The following ZEB1 variants were observed in gnomAD, a reference collection of about 807,000 sequenced individuals.
ZEB1 encodes the protein zinc finger E-box-binding homeobox 1.
Under a neutral mutation model 84.9 loss-of-function variants are expected in ZEB1, and 21 were observed. The observed-to-expected ratio is 0.25, with a 90% CI of 0.18 to 0.36. The LOEUF (loss-of-function observed/expected upper bound fraction) is 0.36, where lower values mean the gene tolerates loss of function less well. Among genes scored for constraint, ZEB1 ranks in the 10% least tolerant of loss-of-function variants. ZEB1 has a pLI of 1.00. For synonymous variants in ZEB1, 420 were observed against 471.1 expected (o/e 0.89, Z 1.41); for missense variants, 1,104 against 1,330.2 (o/e 0.83, Z 2.65).
intron 1 of ZEB1, among the ~76,000 whole-genome samples, chr10:31,395,534 T>C (rs2135358057): frequency 6.6e-6 from 1 of 152,274 alleles, no homozygotes; most frequent in South Asian, 2.1e-4. Context: ...AGTAAGACTT[T>C]AATGGACTGA....
intron 1 of ZEB1, among the ~76,000 whole-genome samples, chr10:31,439,889 G>A (rs2136467405): frequency 6.6e-6 from 1 of 152,206 alleles, no homozygotes; most frequent in South Asian, 2.1e-4. Context: ...TGAATAGGAT[G>A]GGAAGTCATT....
intron 1 of ZEB1, among the ~76,000 whole-genome samples, chr10:31,397,814 T>C (rs1223248922): frequency 2.6e-5 from 4 of 152,272 alleles, no homozygotes; most frequent in Non-Finnish European, 5.9e-5. Flanking sequence ...TAACTGGCCC[T>C]TTTTTTAAAT....
In ZEB1 at chr10:31,474,978, G is replaced by A. The variant is rs373474222; in HGVS notation, c.259+13741G>A. ...TCGCAAGAACAAAAAATCAAACACC[G>A]CATATTCTCACTCATAGGTGGGAAT... On this transcript the variant is annotated intron_variant, in intron 2 of 8. Transcript: ENST00000424869. Among the ~76,000 whole-genome samples, 36 of 149,072 alleles carry A rather than the reference G, an allele frequency of 2.4e-4. No individual in the cohort carries two copies. In the East Asian group the frequency reaches 3.4e-3, roughly 14 times the overall value.
chr10:31,411,007 T>C (rs1429627452), intron 1 of ZEB1, among the ~76,000 whole-genome samples: 1 of 152,248 alleles, frequency 6.6e-6, no homozygotes, highest in Non-Finnish European at 1.5e-5. Flanking sequence ...AGTTGTGCTC[T>C]GATCTTAGTT....
intron 2 of ZEB1, among the ~76,000 whole-genome samples, chr10:31,473,691 CAG>C (rs1171062071): frequency 5.4e-5 from 8 of 149,060 alleles, no homozygotes; most frequent in Non-Finnish European, 8.9e-5. Flanking sequence ...ACTTTCTTCA[CAG>C]AATTGGAAAA....
chr10:31,478,196 A>T (rs1357699365), intron 2 of ZEB1, among the ~76,000 whole-genome samples: 1 of 152,102 alleles, frequency 6.6e-6, no homozygotes, highest in Non-Finnish European at 1.5e-5. Context: ...TGGTCAAAGG[A>T]CATGGACAGA....
At chr10:31,478,562 G>A (rs763922899) in intron 2 of ZEB1, among the ~76,000 whole-genome samples, 11 of 151,860 alleles carry the variant, frequency 7.2e-5, no homozygotes, top group South Asian at 2.1e-4. Context: ...TATGTTTATC[G>A]CAGAACTACT....
At chr10:31,344,671 C>A (rs1247917200) in intron 1 of ZEB1, among the ~76,000 whole-genome samples, 3 of 152,054 alleles carry the variant, frequency 2.0e-5, no homozygotes, top group Non-Finnish European at 4.4e-5. Context: ...GTTCGCTGTA[C>A]CTCATACACT....
rs1227905929 is a variant in ZEB1 at position 31,363,301 on chromosome 10, A to T, written c.58+44009A>T. 2.0e-6 allele frequency: 3 copies of T among 1,533,024 alleles called. No individual in the cohort carries two copies. The South Asian group carries it at 3.6e-5, about 18-fold the overall frequency. The allele number at this position is 1,533,024 out of a possible 1,614,324, so 95.0% of individuals were successfully genotyped here. On this transcript the variant is annotated intron_variant, in intron 1 of 8. Coordinates refer to ENST00000424869, the MANE Select transcript of ZEB1 (RefSeq NM_001174096.2). ...AAGTGGGTCAGGCTTCCCAAAGGGAAGGATGCCTCCAGCAGGGCTGTGTGA... is the reference window on the plus strand; with the variant it reads ...AAGTGGGTCAGGCTTCCCAAAGGGATGGATGCCTCCAGCAGGGCTGTGTGA...
chr10:31,352,002 A>G (rs1271432331), intron 1 of ZEB1, among the ~76,000 whole-genome samples: 1 of 152,184 alleles, frequency 6.6e-6, no homozygotes, highest in Non-Finnish European at 1.5e-5. Context: ...CTAATTCTTT[A>G]TATAGCCCAT....
At chr10:31,440,791 GA>G (rs1395489226) in intron 1 of ZEB1, among the ~76,000 whole-genome samples, 9 of 152,154 alleles carry the variant, frequency 5.9e-5, no homozygotes, top group African/African-American at 2.2e-4. Flanking sequence ...AATCATGAGT[GA>G]ACCCCCATTC....
intron 2 of ZEB1, among the ~76,000 whole-genome samples, chr10:31,480,731 T>TA (rs1450435960): frequency 5.9e-5 from 9 of 152,054 alleles, no homozygotes; most frequent in African/African-American, 1.9e-4. Context: ...TTGTCCTCTT[T>TA]AAAAAACCAA....
At position 31,527,078 on chromosome 10, in the gene ZEB1, GGAA is replaced by G. The variant is rs370699695; in HGVS notation, c.3195_3197del (p.Glu1072del). 1.3e-4 allele frequency: 204 copies of G among 1,588,012 alleles called. 2 individuals are homozygous for G. The African/African-American group carries it at 2.2e-3, about 17-fold the overall frequency. ...AATGTGAAAAACCACAAGGGGATGA[GGAA>G]GAGGAGGAGGAGGAGGAAGAAGTGG... is the stretch of plus-strand genomic sequence containing the variant. On this transcript the variant is annotated inframe_deletion, in exon 9 of 9. Transcript: ENST00000424869.
At chr10:31,346,239 A>G (rs1472754695) in intron 1 of ZEB1, among the ~76,000 whole-genome samples, 1 of 152,192 alleles carries the variant, frequency 6.6e-6, no homozygotes, top group African/African-American at 2.4e-5. Flanking sequence ...TTACCTCCCT[A>G]TGAACAGAAC....
chr10:31,382,889 GAC>G (rs1409492765), intron 1 of ZEB1, among the ~76,000 whole-genome samples: 4 of 151,852 alleles, frequency 2.6e-5, no homozygotes, highest in African/African-American at 7.3e-5. Flanking sequence ...TGAAAGTAAA[GAC>G]ACATGAATAA....
chr10:31,359,869 A>C (rs1201918569), intron 1 of ZEB1, among the ~76,000 whole-genome samples: 3 of 152,136 alleles, frequency 2.0e-5, no homozygotes, highest in Non-Finnish European at 4.4e-5. Flanking sequence ...TTGTTGATGA[A>C]AATTTCTTAA....
intron 1 of ZEB1, among the ~76,000 whole-genome samples, chr10:31,383,582 G>A (rs1258522624): frequency 1.3e-5 from 2 of 152,152 alleles, no homozygotes; most frequent in Non-Finnish European, 2.9e-5. Flanking sequence ...TGACAATAAT[G>A]TAACACTTCA....
chr10:31,350,216 T>C (rs1020911131), intron 1 of ZEB1, among the ~76,000 whole-genome samples: 9 of 152,130 alleles, frequency 5.9e-5, no homozygotes, highest in African/African-American at 1.9e-4. Flanking sequence ...TTATTGAAAA[T>C]CAATTGACCA....
At chr10:31,400,675 TC>T (rs1339152380) in intron 1 of ZEB1, among the ~76,000 whole-genome samples, 1 of 152,164 alleles carries the variant, frequency 6.6e-6, no homozygotes, top group Non-Finnish European at 1.5e-5. Context: ...CAGAAGAGTT[TC>T]AAAGGCAGTA....
Sources: allele counts gnomAD v4.1 joint callset (sites outside exome capture counted in the v4.1 genomes callset), GRCh38; gene constraint gnomAD v4.1.1; transcripts MANE v1.5; gene names NCBI Gene and HGNC (gene_info 2026-07-23, HGNC 2026-07-21).